Variants in KCNJ15 observed in about 807,000 individuals in gnomAD.
KCNJ15 encodes potassium inwardly rectifying channel subfamily J member 15.
A neutral mutation model predicts 23.0 loss-of-function variants in KCNJ15; 14 were observed. That is an observed-to-expected ratio of 0.61 (90% CI 0.40 to 0.95). KCNJ15 has a LOEUF of 0.95. KCNJ15 is among the 40% of genes least tolerant of loss of function. The pLI, the probability that KCNJ15 is intolerant of heterozygous loss-of-function variation, is 0.00. For synonymous variants in KCNJ15, 185 were observed against 183.2 expected, an observed-to-expected ratio of 1.01 and a Z score of -0.08; for missense variants, 388 against 461.8, an observed-to-expected ratio of 0.84 and a Z score of 1.46.
chr21:38,267,377 G>A (rs746634523), intron 1 of KCNJ15: 1 of 152,202 alleles, frequency 6.6e-6, no homozygotes, highest in Non-Finnish European at 1.5e-5. Flanking sequence ...ACTCTGAATA[G>A]GCAGTAGGGT....
chr21:38,293,056 T>C (rs1569014880), intron 1 of KCNJ15, among the ~76,000 whole-genome samples: 1 of 151,850 alleles, frequency 6.6e-6, no homozygotes, highest in African/African-American at 2.4e-5. Context: ...AATCCTAAGA[T>C]AAAAAAATAT....
upstream of KCNJ15, among the ~76,000 whole-genome samples, chr21:38,256,260 C>T (rs1980217538): frequency 6.6e-6 from 1 of 151,406 alleles, no homozygotes; most frequent in Non-Finnish European, 1.5e-5. Flanking sequence ...CATAAAGATG[C>T]CAGACTATGC....
chr21:38,245,719 G>A (rs117035348), intron 1 of KCNJ15, among the ~76,000 whole-genome samples: 4,469 of 146,004 alleles, frequency 0.031, 82 homozygotes, highest in Non-Finnish European at 0.039. Context: ...GAAAGAAAGA[G>A]AGAGAAAGAG....
At chr21:38,242,495 G>A (rs535717802) in intron 1 of KCNJ15, among the ~76,000 whole-genome samples, 19 of 152,288 alleles carry the variant, frequency 1.2e-4, no homozygotes, top group Admixed American at 9.2e-4. Flanking sequence ...AGAGTTTAAA[G>A]AGGTGGGGCT....
chr21:38,253,510 A>C (rs1979978617), upstream of KCNJ15, among the ~76,000 whole-genome samples: 1 of 152,196 alleles, frequency 6.6e-6, no homozygotes, highest in African/African-American at 2.4e-5. Flanking sequence ...TTAAGCTGCT[A>C]GATTCATGGA....
chr21:38,286,024 A>G (rs1020895296), intron 1 of KCNJ15, among the ~76,000 whole-genome samples: 15 of 152,240 alleles, frequency 9.9e-5, no homozygotes, highest in African/African-American at 1.7e-4. Flanking sequence ...CGGGCGGATC[A>G]CGAGGTCAGG....
chr21:38,288,030 GTTTTTTTTTT>G (rs71184612), intron 1 of KCNJ15, among the ~76,000 whole-genome samples: 3 of 81,450 alleles, frequency 3.7e-5, no homozygotes, highest in Middle Eastern at 0.01. Context: ...TTTTTTCTTT[GTTTTTTTTTT>G]TTTTTTTTTT....
intron 1 of KCNJ15, among the ~76,000 whole-genome samples, chr21:38,281,042 C>A (rs1372417191): frequency 1.3e-5 from 2 of 152,072 alleles, no homozygotes; most frequent in Non-Finnish European, 2.9e-5. Flanking sequence ...CCAGCCTCAG[C>A]CTCGCCTGGG....
At position 38,303,593 on chromosome 21, in the gene KCNJ15, C is replaced by T. The variant is rs1224046743; in HGVS notation, c.*3204C>T. The T allele has an allele frequency of 6.6e-6, 1 of 151,894 alleles. No homozygotes were observed. The highest frequency in any genetic ancestry group is 1.5e-5 in the Non-Finnish European group (1 of 67,984). 9.4% of individuals were successfully genotyped at this position (151,894 alleles called of 1,614,324 possible). On this transcript the variant is annotated 3_prime_UTR_variant, in exon 3 of 3. Transcript: ENST00000398938. ...CTTTTTCATCCTGGGGAAATTACAA[C>T]ACAACGCAGAGTGTCCAGAAATCTA...
chr21:38,289,175 G>A (rs1466100383), intron 1 of KCNJ15, among the ~76,000 whole-genome samples: 4 of 141,380 alleles, frequency 2.8e-5, no homozygotes, highest in Non-Finnish European at 4.5e-5. Flanking sequence ...CTCCAGCCTC[G>A]GCAACAGAGC....
At chr21:38,283,329 C>T (rs1214796925) in intron 1 of KCNJ15, among the ~76,000 whole-genome samples, 1 of 152,116 alleles carries the variant, frequency 6.6e-6, no homozygotes, top group African/African-American at 2.4e-5. Flanking sequence ...GTTGAAAAAC[C>T]TTCCTAATTT....
At chr21:38,273,326 G>A (rs1053531391) in intron 1 of KCNJ15, among the ~76,000 whole-genome samples, 3 of 152,144 alleles carry the variant, frequency 2.0e-5, no homozygotes, top group Non-Finnish European at 4.4e-5. Flanking sequence ...TGTTTGAAAG[G>A]GATGAAAGAG....
Position 38,262,463 on chromosome 21 carries a change from G to A in KCNJ15, c.-117+5278G>A, listed in dbSNP as rs187475286. ...GCAGTGTGGGTGTGTATTTAGCTAG[G>A]ACATTAATAACAAAACTGACTGTGT... On this transcript the variant is annotated intron_variant, in intron 1 of 2. Transcript: ENST00000398938. Among the ~76,000 whole-genome samples, 440 of 152,238 alleles carry A rather than the reference G, an allele frequency of 2.9e-3. 1 individual carries two copies. Among genetic ancestry groups the A allele is most frequent in the African/African-American group, 9.7e-3 (404 of 41,540 alleles).
Position 38,300,607 on chromosome 21 carries a change from A to G in KCNJ15, c.*218A>G. The G allele has an allele frequency of 1.9e-6, 1 of 525,890 alleles. No homozygotes were observed. Among genetic ancestry groups the G allele is most frequent in the Non-Finnish European group, 3.4e-6 (1 of 290,592 alleles). The allele number at this position is 525,890 out of a possible 1,614,324, so 32.6% of individuals were successfully genotyped here. On this transcript the variant is annotated 3_prime_UTR_variant, in exon 3 of 3. Transcript: ENST00000398938. ...GTGCTTCGTCTGAAAGTGAACTCTC[A>G]TAATTCAAATTGTATAAAATAAAGC...
At chr21:38,285,565 A>G (rs941755783) in intron 1 of KCNJ15, 26 of 152,178 alleles carry the variant, frequency 1.7e-4, no homozygotes, top group African/African-American at 6.3e-4. Context: ...AGAAGAGATA[A>G]TGTTCAACCT....
chr21:38,278,408 T>A (rs1336116214), intron 1 of KCNJ15, among the ~76,000 whole-genome samples: 3 of 152,214 alleles, frequency 2.0e-5, no homozygotes, highest in African/African-American at 7.2e-5. Context: ...CATTTACTTA[T>A]TTTTACCAGC....
At chr21:38,296,845 C>T (rs1289162951) in intron 1 of KCNJ15, 81 bp from the exon 2 acceptor site, 2 of 152,716 alleles carry the variant, frequency 1.3e-5, no homozygotes, top group East Asian at 3.8e-4. Context: ...CTGCGTAACT[C>T]TTAGAAAATC....
intron 1 of KCNJ15, among the ~76,000 whole-genome samples, chr21:38,271,763 A>T (rs911442074): frequency 2.6e-5 from 4 of 152,180 alleles, no homozygotes; most frequent in Non-Finnish European, 1.5e-5. Flanking sequence ...GATCATGCCC[A>T]TCCTGTGCAG....
At chr21:38,266,550 G>C (rs567887845) in intron 1 of KCNJ15, among the ~76,000 whole-genome samples, 1 of 152,264 alleles carries the variant, frequency 6.6e-6, no homozygotes, top group South Asian at 2.1e-4. Flanking sequence ...ATGGGCATTA[G>C]GGTTGATTCC....
Sources: allele counts gnomAD v4.1 joint callset (sites outside exome capture counted in the v4.1 genomes callset), GRCh38; gene constraint gnomAD v4.1.1; transcripts MANE v1.5; gene names NCBI Gene and HGNC (gene_info 2026-07-23, HGNC 2026-07-21).